The following RASAL1 variants were observed in gnomAD, a reference collection of about 807,000 sequenced individuals.
The protein encoded by RASAL1 is rasGAP-activating-like protein 1.
In RASAL1, 72 loss-of-function variants were observed where a neutral mutation model predicts 96.6. The observed-to-expected ratio is 0.75, with a 90% CI of 0.62 to 0.91. RASAL1 has a LOEUF of 0.91. Among genes scored for constraint, RASAL1 ranks in the 40% least tolerant of loss-of-function variants. The pLI is 0.00. For synonymous variants in RASAL1, 405 were observed against 430.4 expected (o/e 0.94, Z 0.73); for missense variants, 1,016 against 1,072.5 (o/e 0.95, Z 0.74).
chr12:113,108,210 G>A lies in RASAL1; in HGVS notation c.1387C>T (p.Leu463=), dbSNP rs199699304. 12 of 1,612,126 alleles carry A rather than the reference G, an allele frequency of 7.4e-6. No individual in the cohort carries two copies. In the East Asian group the frequency reaches 2.2e-4, roughly 30 times the overall value. ...AAGAAGAGAAATCCACTGATGGCCA[G>A]GTACTTCACATCCTGCTGGGAGGAG... ...PQAEHQDVKY[L]AISGFLFLRF... Residue 463 remains leucine, a synonymous_variant, in exon 14 of 21, where the codon CTG becomes TTG. Coordinates refer to ENST00000548055, the MANE Select transcript of RASAL1 (RefSeq NM_001301202.2).
rs371960438 is a variant in RASAL1, at chr12:113,127,750, C to A, written c.298+62G>T. 3.8e-5 allele frequency: 54 copies of A among 1,428,902 alleles called. No homozygotes were observed. In the African/African-American group the frequency reaches 7.2e-4, roughly 19 times the overall value. The allele number at this position is 1,428,902 out of a possible 1,614,324, so 88.5% of individuals were successfully genotyped here. ...GTGCTTCACCGTGCCATGTGCTATG[C>A]CCCTGCAAATGCCCACCCTGGGCAT... On this transcript the variant is annotated intron_variant, in intron 4 of 20. Transcript: ENST00000548055.
rs1461622230 is a variant in RASAL1 at position 113,102,025 on chromosome 12, T to C, written c.2105-16A>G. 3.1e-6 allele frequency: 5 copies of C among 1,609,468 alleles called. No homozygotes were observed. The highest frequency in any genetic ancestry group is 4.2e-6 in the Non-Finnish European group (5 of 1,177,618). ...CAGCCGGCGGCTGAGGGAACACAGC[T>C]TCATTCATCAGTAACTCCCTCTCCC... is the stretch of plus-strand genomic sequence containing the variant. On this transcript the variant is annotated splice_polypyrimidine_tract_variant and intron_variant, in intron 18 of 20. Coordinates refer to ENST00000548055, the MANE Select transcript of RASAL1 (RefSeq NM_001301202.2).
Position 113,115,560 on chromosome 12 carries a change from C to T in RASAL1, c.1003+75G>A. On this transcript the variant is annotated intron_variant, in intron 10 of 20. Coordinates refer to ENST00000548055, the MANE Select transcript of RASAL1 (RefSeq NM_001301202.2). The surrounding 1 kb of genome is among the most constrained non-coding windows in gnomAD (Gnocchi z 4.1). Reference sequence around the variant, plus strand: ...CTTTTTCCCTCTGCCTGAGGCCTCCCCATTCCTCCCCCAGGACCCTCCTGC... The same window carrying T: ...CTTTTTCCCTCTGCCTGAGGCCTCCTCATTCCTCCCCCAGGACCCTCCTGC... 6.5e-7 allele frequency: 1 copy of T among 1,549,344 alleles called. No homozygotes were observed. Among genetic ancestry groups the T allele is most frequent in the Non-Finnish European group, 8.7e-7 (1 of 1,145,656 alleles).
At chr12:113,121,935 C>G (rs1328592197) in intron 4 of RASAL1, among the ~76,000 whole-genome samples, 1 of 152,130 alleles carries the variant, frequency 6.6e-6, no homozygotes, top group Non-Finnish European at 1.5e-5. Flanking sequence ...GTTGCCCAGG[C>G]TGGTCTCAAA....
intron 5 of RASAL1, among the ~76,000 whole-genome samples, chr12:113,120,831 T>G (rs534003023): frequency 6.6e-6 from 1 of 152,180 alleles, no homozygotes; most frequent in Non-Finnish European, 1.5e-5. Context: ...CTCACATGAC[T>G]TAGTGGGGTC....
chr12:113,103,371 C>G (rs1011512984), intron 18 of RASAL1, among the ~76,000 whole-genome samples: 3 of 152,020 alleles, frequency 2.0e-5, no homozygotes, highest in African/African-American at 7.2e-5. Flanking sequence ...TTTGGGAGGC[C>G]GAGGAGGGCT....
At position 113,111,113 on chromosome 12, in the gene RASAL1, G is replaced by A. The variant is rs553911557; in HGVS notation, c.1374+973C>T. ...CACGCGCTGCTTGCTTTGTTCTTGC[G>A]CCTCGTCTGCCTGAAACTCACAGCA... On this transcript the variant is annotated intron_variant, in intron 13 of 20. Coordinates refer to ENST00000548055, the MANE Select transcript of RASAL1 (RefSeq NM_001301202.2). Among the ~76,000 whole-genome samples, 30 of 152,136 alleles carry A rather than the reference G, an allele frequency of 2.0e-4. No homozygotes were observed. In the South Asian group the frequency reaches 5.8e-3, roughly 30 times the overall value.
At chr12:113,126,686 T>A (rs1443827965) in intron 4 of RASAL1, among the ~76,000 whole-genome samples, 11 of 141,596 alleles carry the variant, frequency 7.8e-5, no homozygotes, top group Admixed American at 2.8e-4. Context: ...TGTCTCTCTC[T>A]CTCACACACA....
intron 4 of RASAL1, among the ~76,000 whole-genome samples, chr12:113,126,264 G>T (rs540650693): frequency 6.6e-6 from 1 of 152,026 alleles, no homozygotes; most frequent in Non-Finnish European, 1.5e-5. Flanking sequence ...CAGCCTGGGC[G>T]ACAGAGCAAG....
intron 4 of RASAL1, among the ~76,000 whole-genome samples, chr12:113,123,680 T>C (rs1441413777): frequency 6.6e-6 from 1 of 152,134 alleles, no homozygotes; most frequent in African/African-American, 2.4e-5. Flanking sequence ...ACCTCCCAGG[T>C]TCAAGCAATT....
intron 7 of RASAL1, among the ~76,000 whole-genome samples, chr12:113,117,389 AC>A (rs1951127504): frequency 1.3e-5 from 2 of 152,304 alleles, no homozygotes; most frequent in East Asian, 3.9e-4. Flanking sequence ...AGTTGAGGAA[AC>A]TGAGGCTCAG....
At chr12:113,135,817 G>A (rs1003570905), upstream of RASAL1, 1 of 214,306 alleles carries the variant, frequency 4.7e-6, no homozygotes, top group African/African-American at 2.3e-5. The surrounding 1 kb of genome is among the most constrained non-coding windows in gnomAD (Gnocchi z 5.7). Flanking sequence ...GCCTCCAATG[G>A]GGTCCCCCAC....
intron 1 of RASAL1, among the ~76,000 whole-genome samples, chr12:113,133,007 C>T (rs1349776937): frequency 6.6e-6 from 1 of 152,184 alleles, no homozygotes; most frequent in East Asian, 1.9e-4. Context: ...TTCTCCACCC[C>T]TAAGCTTCCT....
chr12:113,128,123 G>A lies in RASAL1; in HGVS notation c.178C>T (p.His60Tyr), dbSNP rs143684371. Residue 60 changes from histidine (H) to tyrosine (Y), a missense_variant, in exon 3 of 21, where the codon CAC becomes TAC. His to Tyr is a moderately conservative substitution (Grantham distance 83). Transcript: ENST00000548055. Reference sequence around the variant, plus strand: ...AGCTGGTGGAAATCCAGAGGCAGGTGCACCGTGTACTCCTCCCCCCAGAAG... The same window carrying A: ...AGCTGGTGGAAATCCAGAGGCAGGTACACCGTGTACTCCTCCCCCCAGAAG... ...GPFWGEEYTV[H>Y]LPLDFHQLAF... 196 of 1,613,798 alleles carry A rather than the reference G, an allele frequency of 1.2e-4. 1 individual carries two copies. The highest frequency in any genetic ancestry group is 7.1e-4 in the South Asian group (65 of 91,068).
In RASAL1 at chr12:113,119,244, G is replaced by C; in HGVS notation, c.526C>G (p.Arg176Gly). The C allele has an allele frequency of 6.2e-7, 1 of 1,613,446 alleles. No homozygotes were observed. Among genetic ancestry groups the C allele is most frequent in the African/African-American group, 1.3e-5 (1 of 75,042 alleles). ...AGCACTTCATCCCAGTGCGGGAAGC[G>C]AGTCTTCTTGATGGTCTGAGGGCGA... ...SLETSTIKKT[R>G]FPHWDEVLEL... Residue 176 changes from arginine to glycine, a missense_variant, in exon 7 of 21, where the codon CGC (arginine) becomes GGC (glycine). By Grantham distance (125) the Arg-to-Gly change is moderately radical. Transcript: ENST00000548055.
intron 8 of RASAL1, among the ~76,000 whole-genome samples, chr12:113,116,781 C>T (rs1951103884): frequency 6.6e-6 from 1 of 152,142 alleles, no homozygotes; most frequent in South Asian, 2.1e-4. Context: ...ATGGTATAAA[C>T]AAGTGTGTTC....
Position 113,115,031 on chromosome 12 carries a change from G to A in RASAL1, c.1069-119C>T. 3 of 1,076,436 alleles carry A rather than the reference G, an allele frequency of 2.8e-6. No individual in the cohort carries two copies. Among genetic ancestry groups the A allele is most frequent in the East Asian group, 2.4e-5 (1 of 42,418 alleles). 66.7% of individuals were successfully genotyped at this position (1,076,436 alleles called of 1,614,324 possible). On this transcript the variant is annotated intron_variant, in intron 11 of 20. Transcript: ENST00000548055. This position sits in a 1 kb window ranked among gnomAD's most constrained non-coding sequence, Gnocchi z 4.1. ...TCAGAGAGAGGCCAGGGCTGGGGTAGGGGACACATCCAGGTGCAACTCAGG... is the reference window on the plus strand; with the variant it reads ...TCAGAGAGAGGCCAGGGCTGGGGTAAGGGACACATCCAGGTGCAACTCAGG...
chr12:113,124,902 C>T lies in RASAL1; in HGVS notation c.298+2910G>A, dbSNP rs1354141492. Among the ~76,000 whole-genome samples the T allele has an allele frequency of 3.3e-5, 5 of 152,234 alleles. No individual in the cohort carries two copies. In the East Asian group the frequency reaches 7.7e-4, roughly 24 times the overall value. ...AGACAAAAAGTAATAAAGTTTAATCCTTACTACATACCTTGTATCTAGGCA... is the reference window on the plus strand; with the variant it reads ...AGACAAAAAGTAATAAAGTTTAATCTTTACTACATACCTTGTATCTAGGCA... On this transcript the variant is annotated intron_variant, in intron 4 of 20. Coordinates refer to ENST00000548055, the MANE Select transcript of RASAL1 (RefSeq NM_001301202.2).
chr12:113,103,550 G>A (rs1051719021), intron 18 of RASAL1, among the ~76,000 whole-genome samples: 6 of 151,786 alleles, frequency 4.0e-5, no homozygotes, highest in African/African-American at 1.5e-4. Context: ...AGGTTGCAGT[G>A]AGCCGAGGTT....
Sources: gnomAD v4.1 joint callset for allele counts (sites outside exome capture counted in the v4.1 genomes callset) on GRCh38, gnomAD v4.1.1 for gene constraint, Gnocchi (gnomAD v3.1) non-coding constraint, MANE v1.5 for transcripts, NCBI Gene and HGNC (gene_info 2026-07-23, HGNC 2026-07-21) for gene names.